Variants in KIF13A observed in about 807,000 individuals in gnomAD.
KIF13A encodes the protein kinesin-like protein KIF13A.
KIF13A carries 79 observed loss-of-function variants against 212.2 expected under a neutral mutation model. That is an observed-to-expected ratio of 0.37 (90% CI 0.31 to 0.45). KIF13A has a LOEUF of 0.45. Among genes scored for constraint, KIF13A ranks in the 20% least tolerant of loss-of-function variants. The pLI is 1.00. For synonymous variants in KIF13A, 789 were observed against 808.6 expected, an observed-to-expected ratio of 0.98 and a Z score of 0.41; for missense variants, 1,901 against 2,209.0, an observed-to-expected ratio of 0.86 and a Z score of 2.79.
Position 17,765,170 on chromosome 6 carries a change from G to C in KIF13A, c.4582-224C>G, listed in dbSNP as rs140984272. 3.3e-4 allele frequency among the ~76,000 whole-genome samples: 51 copies of C among 152,276 alleles called. 1 individual carries two copies. The East Asian group carries it at 9.3e-3, about 28-fold the overall frequency. On this transcript the variant is annotated intron_variant, in intron 38 of 38. Coordinates refer to ENST00000259711, the MANE Select transcript of KIF13A (RefSeq NM_022113.6). ...TAAACCCCTTATCATCTAATATGAA[G>C]GGGATTTAGTTCTTTTAGGCTCACT...
intron 35 of KIF13A, among the ~76,000 whole-genome samples, chr6:17,774,189 G>A (rs1303468315): frequency 6.6e-6 from 1 of 152,150 alleles, no homozygotes; most frequent in Non-Finnish European, 1.5e-5. Flanking sequence ...AACTTCTTAA[G>A]GACATAAATC....
At chr6:17,847,238 C>A (rs1767156824) in intron 9 of KIF13A, among the ~76,000 whole-genome samples, 1 of 152,218 alleles carries the variant, frequency 6.6e-6, no homozygotes. Context: ...GCGTGGCAAT[C>A]TTTTCTTTGA....
chr6:17,800,158 T>TGG (rs752804115), intron 20 of KIF13A, 45 bp from the exon 21 acceptor site: 1 of 1,584,634 alleles, frequency 6.3e-7, no homozygotes, highest in Admixed American at 1.8e-5. Context: ...AGACATCCTG[T>TGG]GGGCAACCTC....
intron 2 of KIF13A, among the ~76,000 whole-genome samples, chr6:17,936,966 C>T (rs1164322914): frequency 6.6e-6 from 1 of 152,062 alleles, no homozygotes; most frequent in African/African-American, 2.4e-5. Context: ...TCCCTTGAGC[C>T]CAGAAGGTCC....
chr6:17,860,412 C>A (rs1354659333), intron 4 of KIF13A, among the ~76,000 whole-genome samples: 1 of 152,076 alleles, frequency 6.6e-6, no homozygotes, highest in Non-Finnish European at 1.5e-5. Context: ...TGGTCTCGAA[C>A]TCCTGACCCT....
At chr6:17,976,637 A>C (rs1395618830) in intron 2 of KIF13A, among the ~76,000 whole-genome samples, 1 of 152,200 alleles carries the variant, frequency 6.6e-6, no homozygotes, top group Non-Finnish European at 1.5e-5. Flanking sequence ...GGGATCCCAC[A>C]GTGCAGCGGT....
At chr6:17,949,981 C>T (rs557567601) in intron 2 of KIF13A, among the ~76,000 whole-genome samples, 1 of 152,110 alleles carries the variant, frequency 6.6e-6, no homozygotes, top group Non-Finnish European at 1.5e-5. Context: ...CTTTAGCTAG[C>T]TCCCTTATTC....
intron 12 of KIF13A, 48 bp downstream of exon 12, chr6:17,833,913 A>G (rs570421276): frequency 4.6e-5 from 47 of 1,013,368 alleles, no homozygotes; most frequent in African/African-American, 6.5e-5. Flanking sequence ...AGAAAAGACA[A>G]TAAGTGAAAA....
In KIF13A at chr6:17,951,531, C is replaced by T. The variant is rs1777846071; in HGVS notation, c.146+35523G>A. On this transcript the variant is annotated intron_variant, in intron 2 of 38. Transcript: ENST00000259711. The surrounding 1 kb of genome is among the most constrained non-coding windows in gnomAD (Gnocchi z 4.9). ...AATTCAGTGATTTTTAGCATATTCA[C>T]AGAGTTATGTGGCTATCACCACAAC... 1 of 429,178 alleles carries T rather than the reference C, an allele frequency of 2.3e-6. No homozygotes were observed. The highest frequency in any genetic ancestry group is 4.1e-6 in the Non-Finnish European group (1 of 241,134). 26.6% of individuals were successfully genotyped at this position (429,178 alleles called of 1,614,324 possible). A position where few individuals can be genotyped will look rare whatever the true frequency, so the allele number is the denominator to read the frequency against.
At chr6:17,818,278 C>T (rs1167240046) in intron 16 of KIF13A, among the ~76,000 whole-genome samples, 2 of 152,186 alleles carry the variant, frequency 1.3e-5, no homozygotes, top group African/African-American at 2.4e-5. Flanking sequence ...TATTCCCACA[C>T]ATTGGCACTC....
intron 2 of KIF13A, among the ~76,000 whole-genome samples, chr6:17,938,726 C>G (rs1193544759): frequency 6.6e-6 from 1 of 151,952 alleles, no homozygotes; most frequent in Non-Finnish European, 1.5e-5. Flanking sequence ...ACTTACAAAT[C>G]TCTTTCCTCC....
At position 17,826,540 on chromosome 6, in the gene KIF13A, T is replaced by G. The variant is rs10456813; in HGVS notation, c.1533-416A>C. 0.19 allele frequency among the ~76,000 whole-genome samples: 28,946 copies of G among 151,984 alleles called. 2,923 individuals are homozygous for G. The highest frequency in any genetic ancestry group is 0.32 in the South Asian group (1,535 of 4,812). On this transcript the variant is annotated intron_variant, in intron 14 of 38. Coordinates refer to ENST00000259711, the MANE Select transcript of KIF13A (RefSeq NM_022113.6). The surrounding 1 kb of genome is among the most constrained non-coding windows in gnomAD (Gnocchi z 4.7). ...CCTCTAGGATCAACAATGAGGTGAC[T>G]TCAACAAATAAAATGCAAGGAAGAA...
chr6:17,794,793 C>T lies in KIF13A; in HGVS notation c.2943-89G>A, dbSNP rs1292110488. 3.8e-5 allele frequency: 51 copies of T among 1,348,242 alleles called. No individual in the cohort carries two copies. Among genetic ancestry groups the T allele is most frequent in the Admixed American group, 2.4e-4 (11 of 46,778 alleles). 83.5% of individuals were successfully genotyped at this position (1,348,242 alleles called of 1,614,324 possible). A position where few individuals can be genotyped will look rare whatever the true frequency, so the allele number is the denominator to read the frequency against. ...TAAGCCACCATTCACTGAGCACTTA[C>T]TATGTGCTAGGCACTGTGCCATTTA... On this transcript the variant is annotated intron_variant, in intron 23 of 38. Transcript: ENST00000259711. The surrounding 1 kb of genome is among the most constrained non-coding windows in gnomAD (Gnocchi z 4.1).
At chr6:17,975,258 CAGG>C (rs970050783) in intron 2 of KIF13A, among the ~76,000 whole-genome samples, 45 of 152,276 alleles carry the variant, frequency 3.0e-4, no homozygotes, top group African/African-American at 6.3e-4. Flanking sequence ...AAGGCTCAGG[CAGG>C]AGAATTGTTT....
chr6:17,980,337 A>G (rs562950728), intron 2 of KIF13A, among the ~76,000 whole-genome samples: 1 of 152,346 alleles, frequency 6.6e-6, no homozygotes, highest in Non-Finnish European at 1.5e-5. Flanking sequence ...ATGCTTTCTT[A>G]GGAAACTACT....
chr6:17,926,728 T>A lies in KIF13A; in HGVS notation c.147-28548A>T, dbSNP rs541772712. On this transcript the variant is annotated intron_variant, in intron 2 of 38. Coordinates refer to ENST00000259711, the MANE Select transcript of KIF13A (RefSeq NM_022113.6). This position sits in a 1 kb window ranked among gnomAD's most constrained non-coding sequence, Gnocchi z 4.3. Reference sequence around the variant, plus strand: ...TCAGAGTGTAATAAGTGGAGAATGTTTAAGTATATTAGGATATATTCAGAT... The same window carrying A: ...TCAGAGTGTAATAAGTGGAGAATGTATAAGTATATTAGGATATATTCAGAT... 1.5e-3 allele frequency among the ~76,000 whole-genome samples: 223 copies of A among 152,288 alleles called. 1 individual carries two copies. Among genetic ancestry groups the A allele is most frequent in the African/African-American group, 5.1e-3 (213 of 41,548 alleles).
Position 17,787,281 on chromosome 6 carries a change from C to T in KIF13A, c.3361+495G>A, listed in dbSNP as rs926165740. 2.0e-5 allele frequency among the ~76,000 whole-genome samples: 3 copies of T among 152,136 alleles called. No individual in the cohort carries two copies. The highest frequency in any genetic ancestry group is 4.4e-5 in the Non-Finnish European group (3 of 68,032). ...TAATTCTGAGTTTTATGAAAACTTA[C>T]TACTTTCAAATTTGGAGGCCTCTTA... On this transcript the variant is annotated intron_variant, in intron 27 of 38. Coordinates refer to ENST00000259711, the MANE Select transcript of KIF13A (RefSeq NM_022113.6). This position sits in a 1 kb window ranked among gnomAD's most constrained non-coding sequence, Gnocchi z 4.6.
rs202023334 is a variant in KIF13A at position 17,852,046 on chromosome 6, C to A, written c.495-4G>T. ...AACTTTAAGAGACTGTCTACTCCTG[C>A]GGGAGGGAGGAAAAAGGAATAAATG... On this transcript the variant is annotated splice_polypyrimidine_tract_variant and splice_region_variant and intron_variant, in intron 6 of 38. Transcript: ENST00000259711. 2.1e-5 allele frequency: 30 copies of A among 1,451,888 alleles called. No individual in the cohort carries two copies. Among genetic ancestry groups the A allele is most frequent in the East Asian group, 2.6e-5 (1 of 38,352 alleles). The allele number at this position is 1,451,888 out of a possible 1,614,324, so 89.9% of individuals were successfully genotyped here. A position where few individuals can be genotyped will look rare whatever the true frequency, so the allele number is the denominator to read the frequency against.
chr6:17,966,882 T>G (rs975185371), intron 2 of KIF13A, among the ~76,000 whole-genome samples: 2 of 152,192 alleles, frequency 1.3e-5, no homozygotes, highest in African/African-American at 2.4e-5. Flanking sequence ...AGTTGGAAAT[T>G]AAAGCACAGT....
Sources: gnomAD v4.1 joint callset for allele counts (sites outside exome capture counted in the v4.1 genomes callset) on GRCh38, gnomAD v4.1.1 for gene constraint, Gnocchi (gnomAD v3.1) non-coding constraint, MANE v1.5 for transcripts, NCBI Gene and HGNC (gene_info 2026-07-23, HGNC 2026-07-21) for gene names.